Variants in ARHGAP24 observed in about 807,000 individuals in gnomAD.
ARHGAP24 encodes Rho GTPase activating protein 24, also known as rho GTPase-activating protein 24.
ARHGAP24 carries 50 observed loss-of-function variants against 76.4 expected under a neutral mutation model. The observed-to-expected ratio is 0.65, with a 90% CI of 0.52 to 0.83. The LOEUF is 0.83. ARHGAP24 is among the 40% of genes least tolerant of loss of function. The pLI is 0.00. For synonymous variants in ARHGAP24, 345 were observed against 323.3 expected, an observed-to-expected ratio of 1.07 and a Z score of -0.72; for missense variants, 930 against 914.2, an observed-to-expected ratio of 1.02 and a Z score of -0.22.
intron 3 of ARHGAP24, among the ~76,000 whole-genome samples, chr4:85,852,866 G>A (rs1049477370): frequency 4.6e-5 from 7 of 152,150 alleles, no homozygotes; most frequent in African/African-American, 1.4e-4. Flanking sequence ...AGGGGCATAC[G>A]GCAGCATGAG....
chr4:85,737,118 TTTTG>T (rs72444083), intron 3 of ARHGAP24, among the ~76,000 whole-genome samples: 7,245 of 151,682 alleles, frequency 0.048, 184 homozygotes, highest in Middle Eastern at 0.12. Flanking sequence ...AAAATAATGG[TTTTG>T]TTTGTTTGTT....
chr4:85,944,712 C>T (rs1737152919), intron 5 of ARHGAP24, among the ~76,000 whole-genome samples: 2 of 152,058 alleles, frequency 1.3e-5, no homozygotes, highest in Non-Finnish European at 2.9e-5. Context: ...AACGCGTGAC[C>T]GTGGGTAATA....
intron 3 of ARHGAP24, among the ~76,000 whole-genome samples, chr4:85,761,810 A>G (rs905188687): frequency 6.6e-6 from 1 of 152,174 alleles, no homozygotes; most frequent in African/African-American, 2.4e-5. Context: ...TCAGGTTACT[A>G]CAAACGCTTT....
chr4:85,699,400 C>T (rs748051891), intron 2 of ARHGAP24, among the ~76,000 whole-genome samples: 2 of 152,138 alleles, frequency 1.3e-5, no homozygotes, highest in African/African-American at 4.8e-5. Flanking sequence ...TTGAGACCAG[C>T]CTGGTCAACA....
chr4:85,723,492 T>C (rs1725037228), intron 3 of ARHGAP24: 1 of 152,232 alleles, frequency 6.6e-6, no homozygotes, highest in South Asian at 2.1e-4. Context: ...TGGCTTTTGA[T>C]GAACAAAGCC....
intron 2 of ARHGAP24, among the ~76,000 whole-genome samples, chr4:85,671,273 C>A (rs1722807897): frequency 6.6e-6 from 1 of 152,098 alleles, no homozygotes; most frequent in African/African-American, 2.4e-5. Context: ...TCTAGCTTTG[C>A]TTTCTCTAAG....
chr4:85,808,143 G>A (rs915442050), intron 3 of ARHGAP24, among the ~76,000 whole-genome samples: 2 of 151,804 alleles, frequency 1.3e-5, no homozygotes, highest in Admixed American at 1.3e-4. Flanking sequence ...CTCCCAATTC[G>A]AAAAAAATAT....
chr4:85,504,133 C>G (rs1723935673), intron 1 of ARHGAP24, among the ~76,000 whole-genome samples: 1 of 152,138 alleles, frequency 6.6e-6, no homozygotes, highest in African/African-American at 2.4e-5. Context: ...TGCTTTACTT[C>G]CAATTATGTG....
intron 2 of ARHGAP24, among the ~76,000 whole-genome samples, chr4:85,670,773 C>T (rs1192230719): frequency 6.6e-6 from 1 of 152,126 alleles, no homozygotes; most frequent in Non-Finnish European, 1.5e-5. Context: ...AAATTTTCTT[C>T]ACATTGTCCA....
chr4:85,825,472 A>G (rs914762320), intron 3 of ARHGAP24, among the ~76,000 whole-genome samples: 2 of 152,224 alleles, frequency 1.3e-5, no homozygotes, highest in Admixed American at 6.5e-5. Context: ...ATCGAAGGTC[A>G]AGAGATTGCC....
intron 6 of ARHGAP24, among the ~76,000 whole-genome samples, chr4:85,972,978 G>GT (rs558539351): frequency 8.2e-4 from 124 of 151,992 alleles, no homozygotes; most frequent in African/African-American, 2.8e-3. Context: ...GACCTTTGGG[G>GT]TTTTTTTCAT....
At chr4:85,700,394 T>TAA (rs139515906) in intron 2 of ARHGAP24, among the ~76,000 whole-genome samples, 19 of 71,530 alleles carry the variant, frequency 2.7e-4, no homozygotes, top group African/African-American at 3.8e-4. Flanking sequence ...AGATTCTGTC[T>TAA]AAAAAAAAAA....
At chr4:85,662,757 C>A (rs2109993573) in intron 2 of ARHGAP24, among the ~76,000 whole-genome samples, 1 of 152,252 alleles carries the variant, frequency 6.6e-6, no homozygotes, top group African/African-American at 2.4e-5. Context: ...TTTCCCAGCA[C>A]CATTTATTAA....
intron 2 of ARHGAP24, among the ~76,000 whole-genome samples, chr4:85,587,499 TTTTAG>T (rs1425807259): frequency 6.6e-6 from 1 of 152,222 alleles, no homozygotes; most frequent in African/African-American, 2.4e-5. Flanking sequence ...TTTATTAGTA[TTTTAG>T]TTTGTTCAGT....
rs115050588 is a variant in ARHGAP24, at chr4:85,761,708, A to G, written c.268+39736A>G. Among the ~76,000 whole-genome samples the G allele has an allele frequency of 3.5e-3, 533 of 152,282 alleles. 4 individuals are homozygous for G. The highest frequency in any genetic ancestry group is 0.012 in the African/African-American group (495 of 41,552). On this transcript the variant is annotated intron_variant, in intron 3 of 9. Transcript: ENST00000395184. ...TTACTCAAAAAGATGCCTAAAATAT[A>G]TGTTATACGTTTTCCGTGAGATGTA...
intron 3 of ARHGAP24, among the ~76,000 whole-genome samples, chr4:85,912,943 G>A (rs888094409): frequency 7.3e-5 from 11 of 151,674 alleles, no homozygotes; most frequent in African/African-American, 1.5e-4. Context: ...ATGGATTGTC[G>A]AACCTTATTA....
At chr4:85,790,638 G>C (rs113928615) in intron 3 of ARHGAP24, among the ~76,000 whole-genome samples, 5 of 152,258 alleles carry the variant, frequency 3.3e-5, no homozygotes, top group African/African-American at 1.2e-4. Context: ...AGTTAAAAAG[G>C]ACTATTTGGG....
chr4:85,819,791 G>A (rs371556241), intron 3 of ARHGAP24, among the ~76,000 whole-genome samples: 7 of 152,046 alleles, frequency 4.6e-5, no homozygotes, highest in East Asian at 1.9e-4. Context: ...GTGGTGGTAC[G>A]CACCTGTAAT....
In ARHGAP24 at chr4:85,566,169, T is replaced by G. The variant is rs148118810; in HGVS notation, c.-20-4353T>G. Among the ~76,000 whole-genome samples the G allele has an allele frequency of 7.3e-3, 1,107 of 152,350 alleles. 9 individuals carry two copies. The highest frequency in any genetic ancestry group is 0.016 in the African/African-American group (662 of 41,574). ...TTGGAATAACTGTTTATTTAGATTA[T>G]TACTTTGTTCATTGTTATGTTGGTT... On this transcript the variant is annotated intron_variant, in intron 1 of 9. Coordinates refer to ENST00000395184, the MANE Select transcript of ARHGAP24 (RefSeq NM_001025616.3).
Sources: allele counts gnomAD v4.1 joint callset (sites outside exome capture counted in the v4.1 genomes callset), GRCh38; gene constraint gnomAD v4.1.1; transcripts MANE v1.5; gene names NCBI Gene and HGNC (gene_info 2026-07-23, HGNC 2026-07-21).